RBFOX2: variants seen among roughly 807,000 people sequenced by gnomAD.
RBFOX2 encodes the protein RNA binding protein fox-1 homolog 2.
In RBFOX2, 10 loss-of-function variants were observed where a neutral mutation model predicts 49.1. The observed-to-expected ratio is 0.20, with a 90% CI of 0.13 to 0.35. The LOEUF (loss-of-function observed/expected upper bound fraction) is 0.35. Among genes scored for constraint, RBFOX2 ranks in the 10% least tolerant of loss-of-function variants. The probability of loss-of-function intolerance (pLI) is 1.00; values close to 1 mark genes in which losing one functional copy is unlikely to be tolerated. For synonymous variants in RBFOX2, 183 were observed against 187.4 expected (o/e 0.98, Z 0.19); for missense variants, 323 against 486.9 (o/e 0.66, Z 3.17).
rs1359433467 is a variant in RBFOX2, at chr22:35,896,109, T to C, written c.-34+42738A>G. ...TTCAAATCCAAAAGCAAACCCCAGC[T>C]GTGAGTGAGCTCTCCTTTCTCTGTG... On this transcript the variant is annotated intron_variant, in intron 1 of 13. Coordinates refer to the RBFOX2 transcript ENST00000359369. 2.0e-5 allele frequency among the ~76,000 whole-genome samples: 3 copies of C among 152,210 alleles called. No individual in the cohort carries two copies. The South Asian group carries it at 6.2e-4, about 32-fold the overall frequency.
At chr22:35,834,626 G>A (rs1957336129) in intron 1 of RBFOX2, among the ~76,000 whole-genome samples, 1 of 152,170 alleles carries the variant, frequency 6.6e-6, no homozygotes, top group African/African-American at 2.4e-5. Context: ...ATATTCAAGA[G>A]TAGAACAAAC....
chr22:35,939,094 C>T, upstream of RBFOX2: 1 of 700,106 alleles, frequency 1.4e-6, no homozygotes, highest in South Asian at 1.5e-5. Context: ...ACAGTATTTG[C>T]TTAGGAGCAC....
intron 1 of RBFOX2, among the ~76,000 whole-genome samples, chr22:36,009,672 A>G (rs2058742000): frequency 6.6e-6 from 1 of 152,220 alleles, no homozygotes; most frequent in South Asian, 2.1e-4. Flanking sequence ...TACAGGCATG[A>G]GCCACTGTGC....
intron 1 of RBFOX2, among the ~76,000 whole-genome samples, chr22:35,882,270 T>C (rs1291409707): frequency 9.9e-5 from 15 of 152,130 alleles, no homozygotes; most frequent in Non-Finnish European, 1.5e-5. Context: ...TGATCAGTGA[T>C]AGAATATTCT....
intron 4 of RBFOX2, among the ~76,000 whole-genome samples, chr22:35,771,438 T>G (rs182996057): frequency 2.0e-5 from 3 of 152,290 alleles, no homozygotes; most frequent in Admixed American, 2.0e-4. Flanking sequence ...TAGAGCCTCC[T>G]GAAGAACCCA....
intron 1 of RBFOX2, among the ~76,000 whole-genome samples, chr22:35,981,960 T>C (rs1468738907): frequency 6.6e-6 from 1 of 152,130 alleles, no homozygotes; most frequent in African/African-American, 2.4e-5. Flanking sequence ...CAATTATCCC[T>C]GTAGAGAGGC....
At chr22:35,754,905 G>T (rs1936400955) in intron 9 of RBFOX2, among the ~76,000 whole-genome samples, 1 of 152,144 alleles carries the variant, frequency 6.6e-6, no homozygotes, top group South Asian at 2.1e-4. Context: ...CCTTCAAGTA[G>T]TTATTAAATT....
chr22:35,821,140 G>A (rs1486201991), intron 1 of RBFOX2, among the ~76,000 whole-genome samples: 1 of 152,162 alleles, frequency 6.6e-6, no homozygotes, highest in African/African-American at 2.4e-5. Context: ...TTTCATATTT[G>A]AAGTTCATTC....
intron 2 of RBFOX2, among the ~76,000 whole-genome samples, chr22:35,789,031 C>A (rs1048071424): frequency 1.3e-5 from 2 of 152,066 alleles, no homozygotes; most frequent in South Asian, 4.1e-4. Context: ...TTATCTGAAA[C>A]CTTTGCGGCC....
At chr22:35,990,208 A>G (rs1249740387) in intron 1 of RBFOX2, among the ~76,000 whole-genome samples, 1 of 152,082 alleles carries the variant, frequency 6.6e-6, no homozygotes, top group Non-Finnish European at 1.5e-5. Flanking sequence ...CAAAAAACAC[A>G]CACAGAAATA....
chr22:35,833,641 G>A (rs1957170189), intron 1 of RBFOX2, among the ~76,000 whole-genome samples: 1 of 152,120 alleles, frequency 6.6e-6, no homozygotes, highest in South Asian at 2.1e-4. Flanking sequence ...TTGTAAATGT[G>A]CTATGTATGT....
chr22:35,756,078 C>A, intron 9 of RBFOX2, 27 bp downstream of exon 11: 3 of 1,339,050 alleles, frequency 2.2e-6, no homozygotes, highest in Non-Finnish European at 2.9e-6. Flanking sequence ...GGGATGGGGT[C>A]GAGAAGGCCC....
chr22:35,970,817 C>T (rs927692087), intron 1 of RBFOX2, among the ~76,000 whole-genome samples: 8 of 152,252 alleles, frequency 5.3e-5, no homozygotes, highest in South Asian at 2.1e-4. Flanking sequence ...CTCACATTTA[C>T]GCAACAACAT....
intron 1 of RBFOX2, among the ~76,000 whole-genome samples, chr22:36,026,147 T>C (rs1045042969): frequency 5.9e-5 from 9 of 151,386 alleles, no homozygotes; most frequent in Non-Finnish European, 1.3e-4. Flanking sequence ...ACGCCTGTAA[T>C]CCCATCTACT....
intron 1 of RBFOX2, among the ~76,000 whole-genome samples, chr22:35,924,146 TAGTC>T (rs2149610969): frequency 6.6e-6 from 1 of 152,310 alleles, no homozygotes; most frequent in South Asian, 2.1e-4. Flanking sequence ...TGCCTGCACA[TAGTC>T]AGTATTCCAC....
intron 1 of RBFOX2, among the ~76,000 whole-genome samples, chr22:35,887,804 C>T (rs1184124295): frequency 6.6e-6 from 1 of 152,164 alleles, no homozygotes; most frequent in Non-Finnish European, 1.5e-5. Context: ...CACCACCTCA[C>T]CTAAAGCCAT....
At chr22:35,844,716 G>C (rs2148899372), upstream of RBFOX2, among the ~76,000 whole-genome samples, 1 of 149,066 alleles carries the variant, frequency 6.7e-6, no homozygotes, top group South Asian at 2.1e-4. Flanking sequence ...ATGTTGGCCA[G>C]GCTGGTCTTG....
At chr22:35,942,317 A>C (rs541124982), upstream of RBFOX2, among the ~76,000 whole-genome samples, 63 of 152,206 alleles carry the variant, frequency 4.1e-4, no homozygotes, top group Non-Finnish European at 7.5e-4. Flanking sequence ...AATAGTAGGA[A>C]TATAAGTATA....
chr22:35,914,986 G>T (rs1336396929), intron 1 of RBFOX2, among the ~76,000 whole-genome samples: 2 of 152,294 alleles, frequency 1.3e-5, no homozygotes, highest in East Asian at 3.9e-4. Context: ...TTAGTACCCA[G>T]TGCTCGTGTG....
Sources: allele counts gnomAD v4.1 joint callset (sites outside exome capture counted in the v4.1 genomes callset), GRCh38; gene constraint gnomAD v4.1.1; transcripts MANE v1.5; gene names NCBI Gene and HGNC (gene_info 2026-07-23, HGNC 2026-07-21).